Variants in ELK3 observed in about 807,000 individuals in gnomAD.
ELK3 encodes ETS domain-containing protein Elk-3.
ELK3 carries 10 observed loss-of-function variants against 28.9 expected under a neutral mutation model. The ratio of observed to expected loss-of-function variants is 0.35; its 90% CI spans 0.21 to 0.59. The LOEUF is 0.59. ELK3 is among the 20% of genes least tolerant of loss of function. The pLI is 0.82. For missense variants in ELK3, 463 were observed against 517.3 expected, an observed-to-expected ratio of 0.90 and a Z score of 1.02; for synonymous variants, 272 against 243.5, an observed-to-expected ratio of 1.12 and a Z score of -1.09.
intron 2 of ELK3, among the ~76,000 whole-genome samples, chr12:96,238,170 A>G (rs1221624051): frequency 1.3e-5 from 2 of 152,266 alleles, no homozygotes; most frequent in Admixed American, 6.5e-5. Flanking sequence ...AAAGTGTGAT[A>G]TAATGAGCAG....
intron 1 of ELK3, among the ~76,000 whole-genome samples, chr12:96,194,943 C>T (rs1951452130): frequency 1.3e-5 from 2 of 148,944 alleles, no homozygotes; most frequent in African/African-American, 4.9e-5. Context: ...CGAGCTCGCG[C>T]CGGGCCCGGG....
intron 2 of ELK3, among the ~76,000 whole-genome samples, chr12:96,228,442 A>AAAAAAAAAAAAAAAAAAAAAAAG (rs761298726): frequency 1.2e-4 from 17 of 142,642 alleles, no homozygotes; most frequent in Admixed American, 6.7e-4. Flanking sequence ...AAAAAAAAAA[A>AAAAAAAAAAAAAAAAAAAAAAAG]AAGAAGATCA....
intron 4 of ELK3, among the ~76,000 whole-genome samples, chr12:96,260,883 T>C (rs777716383): frequency 6.6e-6 from 1 of 152,212 alleles, no homozygotes; most frequent in Non-Finnish European, 1.5e-5. Context: ...CTTTGTATTA[T>C]GATTGCCTGT....
At chr12:96,251,271 T>A (rs567498000) in intron 3 of ELK3, among the ~76,000 whole-genome samples, 4 of 152,314 alleles carry the variant, frequency 2.6e-5, no homozygotes, top group Admixed American at 2.0e-4. Context: ...GACAGCAAAC[T>A]TGATCAGTGT....
chr12:96,261,525 A>T (rs1241430813), intron 4 of ELK3, among the ~76,000 whole-genome samples: 1 of 152,228 alleles, frequency 6.6e-6, no homozygotes, highest in East Asian at 1.9e-4. Flanking sequence ...ATAGAATAGA[A>T]AGAAATTGTT....
chr12:96,200,032 A>C (rs1039704527), intron 1 of ELK3, among the ~76,000 whole-genome samples: 2 of 152,220 alleles, frequency 1.3e-5, no homozygotes, highest in Non-Finnish European at 2.9e-5. Context: ...TGGGATAGGT[A>C]TAAAACACTT....
At chr12:96,218,309 G>C (rs754728062) in intron 1 of ELK3, among the ~76,000 whole-genome samples, 1 of 152,212 alleles carries the variant, frequency 6.6e-6, no homozygotes, top group Non-Finnish European at 1.5e-5. Flanking sequence ...CTTCCTGTAA[G>C]AGCAGCAATG....
intron 1 of ELK3, chr12:96,197,953 T>C (rs1951483314): frequency 6.6e-6 from 1 of 152,228 alleles, no homozygotes. Context: ...AAATATTCCC[T>C]TCTTAGCTGT....
chr12:96,245,670 C>A (rs1041341441), intron 2 of ELK3, among the ~76,000 whole-genome samples: 1 of 151,994 alleles, frequency 6.6e-6, no homozygotes, highest in Admixed American at 6.6e-5. Flanking sequence ...TGAGAGAGAC[C>A]ATCTTTGTCT....
intron 2 of ELK3, among the ~76,000 whole-genome samples, chr12:96,231,861 C>A (rs1007836925): frequency 6.6e-6 from 1 of 152,164 alleles, no homozygotes; most frequent in Admixed American, 6.5e-5. Flanking sequence ...AGCCATCCAG[C>A]CATCCCTTTG....
chr12:96,249,560 A>G (rs1415054577), intron 3 of ELK3, among the ~76,000 whole-genome samples: 1 of 152,202 alleles, frequency 6.6e-6, no homozygotes, highest in Non-Finnish European at 1.5e-5. Context: ...AGGCAGGGCC[A>G]GGGTAGATGA....
At chr12:96,226,530 ACATGTC>A (rs1168331008) in intron 2 of ELK3, among the ~76,000 whole-genome samples, 7 of 150,770 alleles carry the variant, frequency 4.6e-5, no homozygotes, top group African/African-American at 7.2e-5. Context: ...ACAGATGTCC[ACATGTC>A]CACACAGATG....
chr12:96,263,813 G>A (rs1952010792), intron 4 of ELK3, among the ~76,000 whole-genome samples: 1 of 152,094 alleles, frequency 6.6e-6, no homozygotes. Context: ...ACGCAGCTGT[G>A]GGCCTTGAAT....
At chr12:96,228,881 T>C (rs1238170739) in intron 2 of ELK3, among the ~76,000 whole-genome samples, 3 of 152,212 alleles carry the variant, frequency 2.0e-5, no homozygotes, top group African/African-American at 7.2e-5. Flanking sequence ...CTTGTCGGAC[T>C]GTGTGAGGAT....
At chr12:96,195,113 C>T (rs372642591) in intron 1 of ELK3, among the ~76,000 whole-genome samples, 2 of 152,142 alleles carry the variant, frequency 1.3e-5, no homozygotes, top group African/African-American at 2.4e-5. Context: ...TGGGAAGAAC[C>T]GTGGCAGGAG....
intron 1 of ELK3, among the ~76,000 whole-genome samples, chr12:96,218,779 G>A (rs1052823068): frequency 4.6e-5 from 7 of 151,636 alleles, no homozygotes; most frequent in African/African-American, 1.7e-4. Flanking sequence ...CTCCCGAGTA[G>A]CTGGGACCAC....
intron 2 of ELK3, among the ~76,000 whole-genome samples, chr12:96,241,954 G>C (rs1019465036): frequency 6.6e-6 from 1 of 152,178 alleles, no homozygotes; most frequent in Non-Finnish European, 1.5e-5. Flanking sequence ...TTGCAAATAC[G>C]TATTTAATGG....
chr12:96,226,909 T>C (rs764653322), intron 2 of ELK3, among the ~76,000 whole-genome samples: 7 of 152,084 alleles, frequency 4.6e-5, no homozygotes, highest in Non-Finnish European at 1.0e-4. Flanking sequence ...AGGAGGCATG[T>C]CAAAAAGAGA....
intron 4 of ELK3, among the ~76,000 whole-genome samples, chr12:96,264,291 GA>G (rs1232683669): frequency 6.6e-6 from 1 of 152,160 alleles, no homozygotes; most frequent in East Asian, 1.9e-4. Flanking sequence ...CTGGCTAGAG[GA>G]AATGATACTA....
Sources: gnomAD v4.1 joint callset for allele counts (sites outside exome capture counted in the v4.1 genomes callset) on GRCh38, gnomAD v4.1.1 for gene constraint, MANE v1.5 for transcripts, NCBI Gene and HGNC (gene_info 2026-07-23, HGNC 2026-07-21) for gene names.